The following HDHD2 variants were observed in gnomAD, a reference collection of about 807,000 sequenced individuals.
The protein encoded by HDHD2 is haloacid dehalogenase like hydrolase domain containing 2.
A neutral mutation model predicts 24.8 loss-of-function variants in HDHD2; 26 were observed. That is an observed-to-expected ratio of 1.05 (90% confidence interval 0.77 to 1.45). HDHD2 has a LOEUF of 1.45. Ranked by LOEUF, HDHD2 falls within the 40% of genes most tolerant of loss-of-function variation. HDHD2 has a pLI of 0.00. For missense variants in HDHD2, 299 were observed against 313.4 expected (o/e 0.95, Z 0.35); for synonymous variants, 128 against 114.9 (o/e 1.11, Z -0.73).
chr18:47,110,414 T>C, intron 6 of HDHD2: 1 of 985,294 alleles, frequency 1.0e-6, no homozygotes, highest in East Asian at 1.1e-4. Context: ...ATATCGTTAG[T>C]ATAAACTCCT....
Position 47,130,314 on chromosome 18 carries a change from C to A in HDHD2, c.325G>T (p.Asp109Tyr). 1 of 1,593,468 alleles carries A rather than the reference C, an allele frequency of 6.3e-7. No individual in the cohort carries two copies. The highest frequency in any genetic ancestry group is 8.6e-7 in the Non-Finnish European group (1 of 1,168,332). Residue 109 changes from aspartate to tyrosine, a missense_variant, in exon 4 of 7, where the codon GAT becomes TAT. By Grantham distance (160) the Asp-to-Tyr change is radical. Coordinates refer to ENST00000300605, the MANE Select transcript of HDHD2 (RefSeq NM_032124.5). ...LPDFKGIQTS[D>Y]PNAVVMGLAP... ...AATCCCATGACCACAGCATTAGGATCACTTGTTTGTATTCCTGGGAACGGA... is the reference window on the plus strand; with the variant it reads ...AATCCCATGACCACAGCATTAGGATAACTTGTTTGTATTCCTGGGAACGGA...
intron 4 of HDHD2, among the ~76,000 whole-genome samples, chr18:47,123,795 A>G (rs1025802557): frequency 3.9e-5 from 6 of 152,262 alleles, no homozygotes; most frequent in Admixed American, 3.3e-4. Flanking sequence ...ACAGATGTAC[A>G]TACTGTCCAA....
At chr18:47,110,528 C>A (rs945728399) in intron 6 of HDHD2, 1 of 985,288 alleles carries the variant, frequency 1.0e-6, no homozygotes, top group Non-Finnish European at 1.2e-6. Flanking sequence ...AATAAGCTTC[C>A]TAGCCATGGA....
Position 47,130,258 on chromosome 18 carries a change from C to A in HDHD2, c.381G>T (p.Leu127=). ...GCTAGGTTTACCGGAATGCTTGATTCAGAATTTGATAATGAAAATGTTCTG... is the reference window on the plus strand; with the variant it reads ...GCTAGGTTTACCGGAATGCTTGATTAAGAATTTGATAATGAAAATGTTCTG... The part of the protein sequence containing the change: ...LAPEHFHYQI[L]NQAFRLLLDG... The change falls in exon 4 of 7, where the codon CTG becomes CTT. Residue 127 remains leucine, a synonymous_variant. Transcript: ENST00000300605. The A allele has an allele frequency of 1.3e-6, 2 of 1,594,876 alleles. No homozygotes were observed. The highest frequency in any genetic ancestry group is 1.7e-6 in the Non-Finnish European group (2 of 1,164,550).
chr18:47,142,518 A>G (rs909989886), intron 1 of HDHD2, among the ~76,000 whole-genome samples: 2 of 152,188 alleles, frequency 1.3e-5, no homozygotes, highest in Admixed American at 1.3e-4. Context: ...ACATACACAT[A>G]ACATTATGCC....
At chr18:47,133,445 A>G (rs1474482017) in intron 3 of HDHD2, among the ~76,000 whole-genome samples, 2 of 148,376 alleles carry the variant, frequency 1.3e-5, no homozygotes, top group East Asian at 1.9e-4. Context: ...GAATAGTGCC[A>G]CAGTAAACAT....
chr18:47,133,345 A>C (rs2063732011), intron 3 of HDHD2, among the ~76,000 whole-genome samples: 1 of 152,028 alleles, frequency 6.6e-6, no homozygotes, highest in South Asian at 2.1e-4. Context: ...TTATGGATGC[A>C]TAGTATTCCA....
intron 1 of HDHD2, among the ~76,000 whole-genome samples, 160 bp from the exon 2 acceptor site, chr18:47,136,609 A>C (rs1019314036): frequency 6.6e-6 from 1 of 152,162 alleles, no homozygotes; most frequent in Non-Finnish European, 1.5e-5. Flanking sequence ...TACAAATCCA[A>C]AATTTGATCC....
chr18:47,121,381 G>A (rs1342488864), intron 4 of HDHD2, among the ~76,000 whole-genome samples: 4 of 152,064 alleles, frequency 2.6e-5, no homozygotes, highest in African/African-American at 7.2e-5. Flanking sequence ...AACCCTATCA[G>A]TCATACTTGA....
intron 4 of HDHD2, among the ~76,000 whole-genome samples, chr18:47,123,842 G>T (rs1313248328): frequency 2.0e-5 from 3 of 152,198 alleles, no homozygotes; most frequent in Non-Finnish European, 4.4e-5. Flanking sequence ...CTCCCAGCAG[G>T]CTTTGTTTGT....
chr18:47,136,159 A>G (rs776557346), intron 2 of HDHD2, 180 bp downstream of exon 2: 1 of 684,158 alleles, frequency 1.5e-6, no homozygotes, highest in Non-Finnish European at 2.3e-6. Context: ...ATAAAGGCTT[A>G]GAAAACAATG....
intron 4 of HDHD2, among the ~76,000 whole-genome samples, chr18:47,127,372 T>C (rs986989583): frequency 6.6e-6 from 1 of 152,204 alleles, no homozygotes; most frequent in South Asian, 2.1e-4. Flanking sequence ...TGTATGTGTA[T>C]AGAAACAAAG....
chr18:47,125,916 T>C (rs1180179122), intron 4 of HDHD2, among the ~76,000 whole-genome samples: 1 of 152,272 alleles, frequency 6.6e-6, no homozygotes, highest in African/African-American at 2.4e-5. Flanking sequence ...TATATTTTTA[T>C]GGTTTGTTCA....
At position 47,130,279 on chromosome 18, in the gene HDHD2, T is replaced by C. The variant is rs556315243; in HGVS notation, c.360A>G (p.Glu120=). Reference sequence around the variant, plus strand: ...GATTCAGAATTTGATAATGAAAATGTTCTGGTGCCAATCCCATGACCACAG... The same window carrying C: ...GATTCAGAATTTGATAATGAAAATGCTCTGGTGCCAATCCCATGACCACAG... ...PNAVVMGLAP[E]HFHYQILNQA... Residue 120 remains glutamate (E), a synonymous_variant, in exon 4 of 7, where the codon GAA becomes GAG. Coordinates refer to ENST00000300605, the MANE Select transcript of HDHD2 (RefSeq NM_032124.5). 6.2e-6 allele frequency: 10 copies of C among 1,608,704 alleles called. No individual in the cohort carries two copies. The Admixed American group carries it at 1.7e-4, about 27-fold the overall frequency.
chr18:47,132,822 T>C (rs2144347119), intron 3 of HDHD2, among the ~76,000 whole-genome samples: 1 of 152,332 alleles, frequency 6.6e-6, no homozygotes, highest in South Asian at 2.1e-4. Context: ...AGAAACACTT[T>C]TTTCTTGATT....
At chr18:47,110,746 TGAATG>T (rs2063509523) in intron 6 of HDHD2, 2 of 985,286 alleles carry the variant, frequency 2.0e-6, no homozygotes, top group South Asian at 9.4e-5. Flanking sequence ...GGATAAATGA[TGAATG>T]GAGGGAGAAA....
At chr18:47,132,187 GA>G (rs2063719547) in intron 3 of HDHD2, among the ~76,000 whole-genome samples, 1 of 151,980 alleles carries the variant, frequency 6.6e-6, no homozygotes, top group Admixed American at 6.5e-5. Context: ...TTCCTATACA[GA>G]AAATGTGTAA....
At chr18:47,129,795 G>A (rs1264917605) in intron 4 of HDHD2, among the ~76,000 whole-genome samples, 1 of 152,114 alleles carries the variant, frequency 6.6e-6, no homozygotes, top group Non-Finnish European at 1.5e-5. Flanking sequence ...ACTGCTGCTC[G>A]GGCGTGCTGG....
intron 5 of HDHD2, 52 bp from the exon 6 acceptor site, chr18:47,113,092 A>G (rs1223661282): frequency 1.4e-6 from 2 of 1,455,448 alleles, no homozygotes; most frequent in African/African-American, 1.4e-5. Context: ...TAAGCTAGCC[A>G]ACAAACATTA....
Sources: allele counts gnomAD v4.1 joint callset (sites outside exome capture counted in the v4.1 genomes callset), GRCh38; gene constraint gnomAD v4.1.1; transcripts MANE v1.5; gene names NCBI Gene and HGNC (gene_info 2026-07-23, HGNC 2026-07-21).